Variants in PEBP4 observed in about 807,000 individuals in gnomAD.
PEBP4 encodes phosphatidylethanolamine-binding protein 4.
PEBP4 carries 22 observed loss-of-function variants against 23.9 expected under a neutral mutation model. The ratio of observed to expected loss-of-function variants is 0.92; its 90% confidence interval spans 0.66 to 1.31. PEBP4 has a LOEUF of 1.31. PEBP4 is among the 40% of genes most tolerant of loss of function. The probability of loss-of-function intolerance (pLI) is 0.00; values close to 1 mark genes in which losing one functional copy is unlikely to be tolerated. For synonymous variants in PEBP4, 112 were observed against 99.3 expected (o/e 1.13, Z -0.76); for missense variants, 324 against 281.7 (o/e 1.15, Z -1.07).
chr8:22,808,493 G>C (rs1806549346), intron 4 of PEBP4, among the ~76,000 whole-genome samples: 1 of 152,226 alleles, frequency 6.6e-6, no homozygotes, highest in South Asian at 2.1e-4. Flanking sequence ...AGGAACTCAT[G>C]GTCTAAGAGG....
At chr8:22,868,649 A>G (rs1168192660) in intron 3 of PEBP4, among the ~76,000 whole-genome samples, 1 of 152,098 alleles carries the variant, frequency 6.6e-6, no homozygotes, top group Non-Finnish European at 1.5e-5. Flanking sequence ...CTCTCAACTA[A>G]TGGCAACTAC....
At chr8:22,834,854 T>C (rs1252393518) in intron 3 of PEBP4, among the ~76,000 whole-genome samples, 2 of 152,134 alleles carry the variant, frequency 1.3e-5, no homozygotes, top group Non-Finnish European at 2.9e-5. Context: ...GTTCTAAAGA[T>C]GATAAAGCAA....
chr8:22,738,464 T>C (rs974065218), intron 4 of PEBP4, among the ~76,000 whole-genome samples: 4 of 152,112 alleles, frequency 2.6e-5, no homozygotes, highest in African/African-American at 9.7e-5. Context: ...TGCTCGGTGA[T>C]GGGAGCAAGG....
At chr8:22,719,733 T>C (rs961425630) in intron 6 of PEBP4, among the ~76,000 whole-genome samples, 2 of 152,066 alleles carry the variant, frequency 1.3e-5, no homozygotes, top group East Asian at 3.9e-4. Context: ...TCGTTTGCCC[T>C]GGGGTAGGGG....
intron 4 of PEBP4, among the ~76,000 whole-genome samples, chr8:22,748,490 G>C (rs1023596130): frequency 1.3e-5 from 2 of 151,706 alleles, no homozygotes; most frequent in Non-Finnish European, 2.9e-5. Context: ...CTGAGGACTT[G>C]TGATCCTAAT....
chr8:22,936,860 G>T (rs1809547702), intron 1 of PEBP4, among the ~76,000 whole-genome samples: 1 of 152,078 alleles, frequency 6.6e-6, no homozygotes, highest in Admixed American at 6.5e-5. Flanking sequence ...ATACTACATG[G>T]TCATCTCAAT....
At chr8:22,741,610 G>A (rs1563200842) in intron 4 of PEBP4, among the ~76,000 whole-genome samples, 1 of 152,200 alleles carries the variant, frequency 6.6e-6, no homozygotes, top group Non-Finnish European at 1.5e-5. Flanking sequence ...TCAGGCAAGT[G>A]ACCCAGCGGA....
At chr8:22,815,192 T>G (rs1000143834) in intron 4 of PEBP4, 1 of 152,230 alleles carries the variant, frequency 6.6e-6, no homozygotes, top group Non-Finnish European at 1.5e-5. Context: ...GCTTTTCGCT[T>G]GAAAATTGCT....
At chr8:22,742,650 G>A (rs1253196576) in intron 4 of PEBP4, among the ~76,000 whole-genome samples, 2 of 152,344 alleles carry the variant, frequency 1.3e-5, no homozygotes, top group African/African-American at 4.8e-5. Context: ...CTAGACAGTG[G>A]CAGAGGATTT....
intron 3 of PEBP4, among the ~76,000 whole-genome samples, chr8:22,893,386 C>T (rs1290183664): frequency 2.6e-5 from 4 of 152,078 alleles, no homozygotes; most frequent in African/African-American, 7.2e-5. Context: ...AAGTAAAAAT[C>T]CACAAGTCTG....
At chr8:22,805,663 A>G (rs936195008) in intron 4 of PEBP4, among the ~76,000 whole-genome samples, 1 of 152,224 alleles carries the variant, frequency 6.6e-6, no homozygotes, top group African/African-American at 2.4e-5. Flanking sequence ...TATAACAAAC[A>G]TACCACTCTG....
intron 4 of PEBP4, among the ~76,000 whole-genome samples, chr8:22,734,491 C>T (rs1163448698): frequency 6.6e-6 from 1 of 152,162 alleles, no homozygotes; most frequent in African/African-American, 2.4e-5. Flanking sequence ...ATATCAAAGA[C>T]TTGGTAGGCC....
intron 3 of PEBP4, among the ~76,000 whole-genome samples, chr8:22,826,119 C>G (rs539455221): frequency 2.0e-4 from 30 of 152,160 alleles, no homozygotes; most frequent in Admixed American, 1.9e-3. Flanking sequence ...TGTACAATAC[C>G]GTGTCCATAG....
At chr8:22,807,457 A>G (rs763673869) in intron 4 of PEBP4, among the ~76,000 whole-genome samples, 32 of 152,326 alleles carry the variant, frequency 2.1e-4, no homozygotes, top group Admixed American at 1.5e-3. Context: ...TAGAAAAATC[A>G]TCCCATGAAG....
intron 4 of PEBP4, among the ~76,000 whole-genome samples, chr8:22,731,637 T>C (rs563328536): frequency 3.1e-5 from 4 of 130,822 alleles, no homozygotes; most frequent in South Asian, 2.3e-4. Flanking sequence ...ATTTATTTAT[T>C]TATTTATCTA....
chr8:22,719,307 G>A (rs1003974548), intron 6 of PEBP4, among the ~76,000 whole-genome samples: 1 of 152,208 alleles, frequency 6.6e-6, no homozygotes, highest in Non-Finnish European at 1.5e-5. Flanking sequence ...GTGGCTTCTG[G>A]AGCAAGCTGT....
chr8:22,863,189 A>T (rs765849559), intron 3 of PEBP4, among the ~76,000 whole-genome samples: 4 of 152,148 alleles, frequency 2.6e-5, no homozygotes, highest in Non-Finnish European at 4.4e-5. Flanking sequence ...CAATAATAAC[A>T]GCATGGAGAA....
intron 4 of PEBP4, among the ~76,000 whole-genome samples, chr8:22,750,260 C>T (rs976776823): frequency 6.6e-6 from 1 of 151,984 alleles, no homozygotes; most frequent in African/African-American, 2.4e-5. Flanking sequence ...TGCCACCACG[C>T]CCAGCTAATT....
intron 4 of PEBP4, chr8:22,756,871 G>A (rs1227073473): frequency 6.6e-6 from 1 of 151,966 alleles, no homozygotes; most frequent in East Asian, 1.9e-4. Context: ...CTGGACCTAG[G>A]ACCCCTGGCC....
Sources: allele counts gnomAD v4.1 joint callset (sites outside exome capture counted in the v4.1 genomes callset), GRCh38; gene constraint gnomAD v4.1.1; transcripts MANE v1.5; gene names NCBI Gene and HGNC (gene_info 2026-07-23, HGNC 2026-07-21).